The following ADAMTS9 variants were observed in gnomAD, a reference collection of about 807,000 sequenced individuals.
ADAMTS9 encodes the protein ADAM metallopeptidase with thrombospondin type 1 motif 9, also known as A disintegrin and metalloproteinase with thrombospondin motifs 9.
ADAMTS9 carries 107 observed loss-of-function variants against 257.1 expected under a neutral mutation model. The ratio of observed to expected loss-of-function variants is 0.42; its 90% CI spans 0.36 to 0.49. The LOEUF (loss-of-function observed/expected upper bound fraction) is 0.49. Among genes scored for constraint, ADAMTS9 ranks in the 20% least tolerant of loss-of-function variants. The pLI, the probability that ADAMTS9 is intolerant of heterozygous loss-of-function variation, is 0.03. For synonymous variants in ADAMTS9, 982 were observed against 880.9 expected (o/e 1.11, Z -2.03); for missense variants, 2,353 against 2,469.1 (o/e 0.95, Z 1.00).
intron 32 of ADAMTS9, among the ~76,000 whole-genome samples, chr3:64,543,872 T>A (rs541648142): frequency 1.3e-5 from 2 of 152,314 alleles, no homozygotes; most frequent in South Asian, 4.1e-4. Flanking sequence ...GAAAACCCCA[T>A]CGTCTCAGCC....
chr3:64,673,615 G>T (rs557566631), intron 3 of ADAMTS9, among the ~76,000 whole-genome samples: 1 of 152,180 alleles, frequency 6.6e-6, no homozygotes, highest in African/African-American at 2.4e-5. Flanking sequence ...AAGGCATTTT[G>T]GGGACAATGA....
Position 64,687,505 on chromosome 3 carries a change from CGGGGCCGGCGGGGTCCCG to C in ADAMTS9, c.115+20_115+37del. On this transcript the variant is annotated intron_variant, in intron 1 of 39. Coordinates refer to ENST00000498707, the MANE Select transcript of ADAMTS9 (RefSeq NM_182920.2). This position sits in a 1 kb window ranked among gnomAD's most constrained non-coding sequence, Gnocchi z 4.4. ...AGGAGCGAGGACCGGGAGGCGGCGT[CGGGGCCGGCGGGGTCCCG>C]GGGGCCGGAGCCTGGTTACCTTGCC... is the stretch of plus-strand genomic sequence containing the variant. 3.4e-6 allele frequency: 5 copies of C among 1,474,028 alleles called. No homozygotes were observed. Among genetic ancestry groups the C allele is most frequent in the Non-Finnish European group, 4.5e-6 (5 of 1,099,636 alleles). 91.3% of individuals were successfully genotyped at this position (1,474,028 alleles called of 1,614,324 possible).
Position 64,615,488 on chromosome 3 carries a change from G to A in ADAMTS9, c.3025-3C>T. 4 of 1,603,402 alleles carry A rather than the reference G, an allele frequency of 2.5e-6. No homozygotes were observed. Among genetic ancestry groups the A allele is most frequent in the Admixed American group, 3.5e-5 (2 of 57,282 alleles). ...CCACCGTCACAGCTTTTTGAACACT[G>A]TAGGGACAAAATAAATAAATAAAAC... On this transcript the variant is annotated splice_polypyrimidine_tract_variant and splice_region_variant and intron_variant, in intron 20 of 39. Transcript: ENST00000498707.
intron 3 of ADAMTS9, among the ~76,000 whole-genome samples, chr3:64,675,848 T>C (rs1423213683): frequency 6.6e-6 from 1 of 152,170 alleles, no homozygotes; most frequent in African/African-American, 2.4e-5. Context: ...GACCAATGTA[T>C]TACATATGAT....
intron 12 of ADAMTS9, among the ~76,000 whole-genome samples, chr3:64,634,493 A>G (rs887144081): frequency 5.9e-5 from 9 of 152,252 alleles, no homozygotes; most frequent in African/African-American, 2.2e-4. Context: ...GAAGCAGGAA[A>G]GAGCATACTG....
chr3:64,567,208 C>T (rs1475012432), intron 29 of ADAMTS9, among the ~76,000 whole-genome samples: 1 of 152,052 alleles, frequency 6.6e-6, no homozygotes, highest in Non-Finnish European at 1.5e-5. Flanking sequence ...CTCGAATCCT[C>T]CCCACATTAA....
rs764191522 is a variant in ADAMTS9, at chr3:64,655,639, T to C, written c.1106A>G (p.Gln369Arg). ...TGGACTGTTCTTCGAATGCTGCCAC[T>C]GGCAAAAGTTTTTTAATGTTGTCTG... is the stretch of plus-strand genomic sequence containing the variant. ...NAQTTLKNFC[Q>R]WQHSKNSPGG... The change falls in exon 6 of 40, where the codon CAG becomes CGG. Residue 369 changes from glutamine (Q) to arginine (R), a missense_variant. By Grantham distance (43) the Gln-to-Arg change is conservative. Around this residue, in one of 3 missense-constraint regions of ADAMTS9, gnomAD observed 591 missense variants for 569.6 expected, o/e 1.04. Coordinates refer to ENST00000498707, the MANE Select transcript of ADAMTS9 (RefSeq NM_182920.2). The C allele has an allele frequency of 1.9e-6, 3 of 1,614,204 alleles. No homozygotes were observed. Among genetic ancestry groups the C allele is most frequent in the South Asian group, 2.2e-5 (2 of 91,078 alleles).
Position 64,686,976 on chromosome 3 carries a change from G to A in ADAMTS9, c.116-8C>T, listed in dbSNP as rs761837904. ...GGGTCTCTAATAATTTCACTGCGGA[G>A]AGAAGCAGAGGTATATGAACCAATA... On this transcript the variant is annotated splice_region_variant and splice_polypyrimidine_tract_variant and intron_variant, in intron 1 of 39. Transcript: ENST00000498707. The surrounding 1 kb of genome is among the most constrained non-coding windows in gnomAD (Gnocchi z 4.6). 1.9e-6 allele frequency: 3 copies of A among 1,611,728 alleles called. No individual in the cohort carries two copies. Among genetic ancestry groups the A allele is most frequent in the Non-Finnish European group, 2.5e-6 (3 of 1,178,616 alleles).
chr3:64,532,459 T>C (rs1301322086), intron 38 of ADAMTS9, among the ~76,000 whole-genome samples: 1 of 152,158 alleles, frequency 6.6e-6, no homozygotes, highest in Non-Finnish European at 1.5e-5. Context: ...TTTTGAACCA[T>C]GGTGAAGTTG....
At chr3:64,682,287 G>C (rs759920598) in intron 2 of ADAMTS9, among the ~76,000 whole-genome samples, 1 of 152,186 alleles carries the variant, frequency 6.6e-6, no homozygotes, top group African/African-American at 2.4e-5. Context: ...TGATAATTAA[G>C]TGCTTAGCAA....
In ADAMTS9 at chr3:64,575,399, C is replaced by T. The variant is rs192526994; in HGVS notation, c.4357-6864G>A. On this transcript the variant is annotated intron_variant, in intron 28 of 39. Transcript: ENST00000498707. ...CTAGCACAGAATGCTATTTGGCTCCCGTCGCAATGGGGGCCTGGGGCTAGG... is the reference window on the plus strand; with the variant it reads ...CTAGCACAGAATGCTATTTGGCTCCTGTCGCAATGGGGGCCTGGGGCTAGG... 3.1e-4 allele frequency among the ~76,000 whole-genome samples: 47 copies of T among 152,246 alleles called. 1 individual carries two copies. In the East Asian group the frequency reaches 8.7e-3, roughly 28 times the overall value.
At chr3:64,544,670 A>G (rs1311089442) in intron 32 of ADAMTS9, among the ~76,000 whole-genome samples, 2 of 152,190 alleles carry the variant, frequency 1.3e-5, no homozygotes, top group Non-Finnish European at 2.9e-5. Context: ...CCTAGAAGAA[A>G]ACCTAGGCAA....
At chr3:64,658,134 C>T (rs1053145628) in intron 4 of ADAMTS9, among the ~76,000 whole-genome samples, 1 of 152,128 alleles carries the variant, frequency 6.6e-6, no homozygotes, top group Admixed American at 6.5e-5. Context: ...CCACAGGCAG[C>T]GTCCAAGTGA....
At position 64,622,226 on chromosome 3, in the gene ADAMTS9, T is replaced by C. The variant is rs763740361; in HGVS notation, c.2658A>G (p.Pro886=). The change falls in exon 18 of 40, where the codon CCA becomes CCG. Residue 886 remains proline (P), a synonymous_variant. Coordinates refer to ENST00000498707, the MANE Select transcript of ADAMTS9 (RefSeq NM_182920.2). ...GGCAGGGTTTACTGCATGCTTGCCA[T>C]GGCCCATGACTGTTCCAGTAAAACT... ...PQQFYWNSHG[P]WQACSKPCQG... The C allele has an allele frequency of 2.5e-6, 4 of 1,613,606 alleles. No individual in the cohort carries two copies. The Admixed American group carries it at 5.0e-5, about 20-fold the overall frequency.
intron 19 of ADAMTS9, among the ~76,000 whole-genome samples, chr3:64,619,520 T>C (rs1203176782): frequency 2.0e-5 from 3 of 152,176 alleles, no homozygotes; most frequent in African/African-American, 7.2e-5. Context: ...CAGCCTCTAT[T>C]TTCCTTATTT....
intron 3 of ADAMTS9, among the ~76,000 whole-genome samples, chr3:64,674,217 G>A (rs1252136761): frequency 6.6e-6 from 1 of 151,962 alleles, no homozygotes; most frequent in African/African-American, 2.4e-5. Flanking sequence ...GGATTTTAGA[G>A]GTCATTGCTT....
intron 30 of ADAMTS9, among the ~76,000 whole-genome samples, chr3:64,559,410 A>C (rs991509535): frequency 1.3e-5 from 2 of 152,010 alleles, no homozygotes; most frequent in African/African-American, 4.8e-5. Context: ...GTCCACTTTC[A>C]CCACCCCAGT....
intron 38 of ADAMTS9, among the ~76,000 whole-genome samples, chr3:64,526,349 G>C (rs2082910061): frequency 6.6e-6 from 1 of 151,986 alleles, no homozygotes. Flanking sequence ...AAGAAAAACA[G>C]TGCCAGTTTA....
In ADAMTS9 at chr3:64,687,911, C is replaced by A; in HGVS notation, c.-254G>T. 2 of 354,576 alleles carry A rather than the reference C, an allele frequency of 5.6e-6. No individual in the cohort carries two copies. The highest frequency in any genetic ancestry group is 4.8e-5 in the East Asian group (1 of 21,010). The allele number at this position is 354,576 out of a possible 1,614,324, so 22.0% of individuals were successfully genotyped here. On this transcript the variant is annotated 5_prime_UTR_variant, in exon 1 of 40. Transcript: ENST00000498707. The surrounding 1 kb of genome is among the most constrained non-coding windows in gnomAD (Gnocchi z 4.4). ...CGGAGGAGCAGGAGGAGGAGGAGGA[C>A]TGGGGCTCGGCTGCTTGGCCGCATA...
Sources: gnomAD v4.1 joint callset for allele counts (sites outside exome capture counted in the v4.1 genomes callset) on GRCh38, gnomAD v4.1.1 for gene constraint, gnomAD v4.1.1 regional missense constraint, Gnocchi (gnomAD v3.1) non-coding constraint, MANE v1.5 for transcripts, NCBI Gene and HGNC (gene_info 2026-07-23, HGNC 2026-07-21) for gene names.